PPIP5K2: variants seen among roughly 807,000 people sequenced by gnomAD.
The protein encoded by PPIP5K2 is diphosphoinositol pentakisphosphate kinase 2.
Under a neutral mutation model 154.6 loss-of-function variants are expected in PPIP5K2, and 105 were observed. That is an observed-to-expected ratio of 0.68 (90% CI 0.58 to 0.80). PPIP5K2 has a LOEUF of 0.80. Ranked by LOEUF, PPIP5K2 falls within the 30% of genes least tolerant of loss-of-function variation. The probability of loss-of-function intolerance (pLI) is 0.00; values close to 1 mark genes in which losing one functional copy is unlikely to be tolerated. For missense variants in PPIP5K2, 992 were observed against 1,504.6 expected, an observed-to-expected ratio of 0.66 and a Z score of 5.64; for synonymous variants, 480 against 490.3, an observed-to-expected ratio of 0.98 and a Z score of 0.28.
chr5:103,193,208 A>T (rs1801522991), intron 29 of PPIP5K2, among the ~76,000 whole-genome samples: 1 of 152,136 alleles, frequency 6.6e-6, no homozygotes, highest in South Asian at 2.1e-4. Flanking sequence ...ATTATTTTTG[A>T]ATAGCAAAGA....
chr5:103,167,388 A>T (rs1392760613), intron 18 of PPIP5K2, 68 bp downstream of exon 18: 4 of 1,273,284 alleles, frequency 3.1e-6, no homozygotes, highest in South Asian at 1.9e-5. Context: ...TTAATATATG[A>T]TGCACCAATC....
intron 1 of PPIP5K2, among the ~76,000 whole-genome samples, chr5:103,121,090 T>C (rs1175871826): frequency 1.3e-5 from 2 of 152,008 alleles, no homozygotes; most frequent in Non-Finnish European, 2.9e-5. Context: ...TCCTGGGAGA[T>C]TGCGACTCTT....
chr5:103,139,616 G>C (rs1792205987), intron 5 of PPIP5K2, among the ~76,000 whole-genome samples: 2 of 152,240 alleles, frequency 1.3e-5, no homozygotes, highest in Middle Eastern at 3.4e-3. Context: ...TAAATACCCA[G>C]ACATCAGTGA....
In PPIP5K2 at chr5:103,209,922, A is replaced by G. The variant is rs1803712551; in HGVS notation, c.*8288A>G. On this transcript the variant is annotated 3_prime_UTR_variant, in exon 31 of 31. Coordinates refer to ENST00000358359, the MANE Select transcript of PPIP5K2 (RefSeq NM_001276277.3). ...ACGACTTTTTTTTCATGCCACATAG[A>G]TATGCTGATTTGTCCAACAATGCCT... 1 of 152,136 alleles carries G rather than the reference A, an allele frequency of 6.6e-6. No individual in the cohort carries two copies. The highest frequency in any genetic ancestry group is 1.5e-5 in the Non-Finnish European group (1 of 68,014). The allele number at this position is 152,136 out of a possible 1,614,324, so 9.4% of individuals were successfully genotyped here.
Position 103,146,526 on chromosome 5 carries a change from G to A in PPIP5K2, c.488-1G>A. On this transcript the variant is annotated splice_acceptor_variant, in intron 5 of 30. Transcript: ENST00000358359. LOFTEE classifies it high-confidence loss of function. ...TTCTTGCAATCGTGTTTGTTTTATA[G>A]AATGTAATCTGATTGAAGGGGAAGA... 6.2e-7 allele frequency: 1 copy of A among 1,608,894 alleles called. No individual in the cohort carries two copies. The highest frequency in any genetic ancestry group is 8.5e-7 in the Non-Finnish European group (1 of 1,177,974).
chr5:103,127,218 T>G (rs1258583696), intron 1 of PPIP5K2, among the ~76,000 whole-genome samples: 2 of 152,234 alleles, frequency 1.3e-5, no homozygotes, highest in Non-Finnish European at 2.9e-5. Flanking sequence ...GTATACACAC[T>G]CATATTCATG....
intron 30 of PPIP5K2, among the ~76,000 whole-genome samples, chr5:103,197,860 G>A (rs1392853712): frequency 6.6e-6 from 1 of 151,534 alleles, no homozygotes; most frequent in Non-Finnish European, 1.5e-5. Context: ...TTACAGGTGT[G>A]AGCCACCGCA....
At chr5:103,139,600 A>C (rs782518887) in intron 5 of PPIP5K2, among the ~76,000 whole-genome samples, 1 of 152,176 alleles carries the variant, frequency 6.6e-6, no homozygotes, top group African/African-American at 2.4e-5. Flanking sequence ...ATAAATACCT[A>C]ACTTGTAAAT....
chr5:103,136,098 A>C (rs928075637), intron 3 of PPIP5K2: 1 of 151,170 alleles, frequency 6.6e-6, no homozygotes, highest in African/African-American at 2.4e-5. Context: ...CAGCCTCCTA[A>C]GTATCTGGGA....
chr5:103,136,640 T>C (rs1011086032), intron 3 of PPIP5K2, 92 bp from the exon 4 acceptor site: 4 of 926,746 alleles, frequency 4.3e-6, no homozygotes, highest in Admixed American at 1.8e-5. Context: ...ATGAAATGAA[T>C]CTTTTATGGG....
chr5:103,151,990 A>C (rs1794709077), intron 9 of PPIP5K2, among the ~76,000 whole-genome samples: 1 of 152,018 alleles, frequency 6.6e-6, no homozygotes, highest in Non-Finnish European at 1.5e-5. Context: ...TTACATTAAA[A>C]AATGTTCGAT....
chr5:103,135,870 T>C (rs1458168068), intron 3 of PPIP5K2: 1 of 152,122 alleles, frequency 6.6e-6, no homozygotes, highest in Non-Finnish European at 1.5e-5. Flanking sequence ...TTTAGGGACT[T>C]AATTTCTAAT....
intron 24 of PPIP5K2, among the ~76,000 whole-genome samples, chr5:103,182,804 C>T (rs991785086): frequency 1.1e-4 from 17 of 151,942 alleles, no homozygotes; most frequent in Non-Finnish European, 2.1e-4. Flanking sequence ...TTTAGTGTCT[C>T]GGGTTGAAAA....
At position 103,206,115 on chromosome 5, in the gene PPIP5K2, G is replaced by T. The variant is rs906200213; in HGVS notation, c.*4481G>T. ...CACTGCAAGTAGGAAAATTCCAATT[G>T]AAACTGGTTTAAATCATCAGAAAAT... On this transcript the variant is annotated 3_prime_UTR_variant, in exon 31 of 31. Coordinates refer to ENST00000358359, the MANE Select transcript of PPIP5K2 (RefSeq NM_001276277.3). The T allele has an allele frequency of 5.3e-5, 8 of 152,080 alleles. No individual in the cohort carries two copies. The highest frequency in any genetic ancestry group is 1.2e-4 in the Non-Finnish European group (8 of 68,006). 9.4% of individuals were successfully genotyped at this position (152,080 alleles called of 1,614,324 possible).
At chr5:103,126,413 G>A (rs1267081768) in intron 1 of PPIP5K2, among the ~76,000 whole-genome samples, 1 of 151,832 alleles carries the variant, frequency 6.6e-6, no homozygotes, top group Non-Finnish European at 1.5e-5. Context: ...TTTTTTCCCC[G>A]AAAGTTGATT....
At chr5:103,144,582 A>G (rs1437082728) in intron 5 of PPIP5K2, among the ~76,000 whole-genome samples, 1 of 152,108 alleles carries the variant, frequency 6.6e-6, no homozygotes, top group Non-Finnish European at 1.5e-5. Context: ...AATATAGACC[A>G]ATGGAACAGA....
At chr5:103,131,437 T>TC (rs1455411668) in intron 2 of PPIP5K2, among the ~76,000 whole-genome samples, 1 of 152,012 alleles carries the variant, frequency 6.6e-6, no homozygotes, top group African/African-American at 2.4e-5. Context: ...ATGCTTTTTT[T>TC]CCCCCCAAAT....
At chr5:103,194,851 T>C (rs1801812856) in intron 29 of PPIP5K2, 49 bp from the exon 30 acceptor site, 3 of 1,573,778 alleles carry the variant, frequency 1.9e-6, no homozygotes, top group Admixed American at 1.8e-5. Context: ...TGTTAAGAGA[T>C]AATTGGCAGG....
chr5:103,155,406 CTTTTTTTTTTTTTTTT>C (rs70990423), intron 13 of PPIP5K2, among the ~76,000 whole-genome samples: 107 of 21,078 alleles, frequency 5.1e-3, no homozygotes, highest in East Asian at 0.011. Flanking sequence ...TCAGAGTTGT[CTTTTTTTTTTTTTTTT>C]TTTTTTTTTT....
Sources: allele counts gnomAD v4.1 joint callset (sites outside exome capture counted in the v4.1 genomes callset), GRCh38; gene constraint gnomAD v4.1.1; transcripts MANE v1.5; gene names NCBI Gene and HGNC (gene_info 2026-07-23, HGNC 2026-07-21).